The following ARHGAP44 variants were observed in gnomAD, a reference collection of about 807,000 sequenced individuals.
The protein encoded by ARHGAP44 is rho GTPase-activating protein 44.
A neutral mutation model predicts 106.8 loss-of-function variants in ARHGAP44; 43 were observed. The observed-to-expected ratio is 0.40, with a 90% CI of 0.32 to 0.52. ARHGAP44 has a LOEUF of 0.52. Among genes scored for constraint, ARHGAP44 ranks in the 20% least tolerant of loss-of-function variants. The pLI, the probability that ARHGAP44 is intolerant of heterozygous loss-of-function variation, is 0.48. For synonymous variants in ARHGAP44, 439 were observed against 410.3 expected (o/e 1.07, Z -0.85); for missense variants, 866 against 1,050.5 (o/e 0.82, Z 2.43).
At chr17:12,798,094 T>A (rs1261753284) in intron 1 of ARHGAP44, among the ~76,000 whole-genome samples, 2 of 152,156 alleles carry the variant, frequency 1.3e-5, no homozygotes, top group Non-Finnish European at 2.9e-5. Flanking sequence ...ATACTTTTTT[T>A]AAAAAAATTG....
chr17:12,948,716 A>G (rs2038916686), intron 10 of ARHGAP44, among the ~76,000 whole-genome samples: 1 of 123,646 alleles, frequency 8.1e-6, no homozygotes, highest in South Asian at 3.0e-4. Context: ...GTTCCTCCCA[A>G]CACACATACA....
intron 3 of ARHGAP44, among the ~76,000 whole-genome samples, chr17:12,898,688 A>G (rs1330331297): frequency 6.6e-6 from 1 of 152,176 alleles, no homozygotes; most frequent in Non-Finnish European, 1.5e-5. Flanking sequence ...TAAGACCATG[A>G]ATTCATTTCA....
intron 1 of ARHGAP44, among the ~76,000 whole-genome samples, chr17:12,877,520 T>A (rs1456860885): frequency 1.3e-5 from 2 of 152,220 alleles, no homozygotes; most frequent in Non-Finnish European, 2.9e-5. Flanking sequence ...TTTGCTAACA[T>A]GTTCAAAGAA....
intron 1 of ARHGAP44, among the ~76,000 whole-genome samples, chr17:12,835,955 A>G (rs1362398678): frequency 3.3e-5 from 5 of 152,166 alleles, no homozygotes; most frequent in African/African-American, 1.2e-4. Context: ...AGTTTTATCT[A>G]TGTTGTAGCA....
chr17:12,965,209 G>C (rs1253968982), intron 16 of ARHGAP44, among the ~76,000 whole-genome samples: 2 of 152,142 alleles, frequency 1.3e-5, no homozygotes, highest in South Asian at 4.1e-4. Context: ...AGCTACCTCA[G>C]GCCGTGATTC....
intron 5 of ARHGAP44, among the ~76,000 whole-genome samples, chr17:12,918,609 C>G (rs1199241684): frequency 6.6e-6 from 1 of 152,212 alleles, no homozygotes; most frequent in African/African-American, 2.4e-5. Flanking sequence ...CTGGAAAAGT[C>G]TTACTTTATT....
At position 12,789,719 on chromosome 17, in the gene ARHGAP44, C is replaced by T. The variant is rs1043805478; in HGVS notation, c.-120C>T. The stretch of plus-strand genomic sequence containing the variant: ...GCGCGGGCCAGACGGCGCCCGGAGG[C>T]TCCGCAGTGCCGCCGCCGTCGCCCG... On this transcript the variant is annotated 5_prime_UTR_variant, in exon 1 of 21. Coordinates refer to ENST00000379672, the MANE Select transcript of ARHGAP44 (RefSeq NM_014859.6). 208 of 912,318 alleles carry T rather than the reference C, an allele frequency of 2.3e-4. 5 individuals are homozygous for T. In the East Asian group the frequency reaches 6.6e-3, roughly 29 times the overall value. The allele number at this position is 912,318 out of a possible 1,614,324, so 56.5% of individuals were successfully genotyped here.
rs1258997555 is a variant in ARHGAP44 at position 12,916,067 on chromosome 17, C to G, written c.387+56C>G. 11 of 1,366,622 alleles carry G rather than the reference C, an allele frequency of 8.0e-6. No individual in the cohort carries two copies. In the African/African-American group the frequency reaches 8.6e-5, roughly 11 times the overall value. The allele number at this position is 1,366,622 out of a possible 1,614,324, so 84.7% of individuals were successfully genotyped here. On this transcript the variant is annotated intron_variant, in intron 5 of 20. Transcript: ENST00000379672. ...AGAGCAAGGAGGTACCGAACAGGAG[C>G]CCCTCAATCATTCTGTTTCCAGCAT...
intron 1 of ARHGAP44, among the ~76,000 whole-genome samples, chr17:12,845,413 C>G (rs1275911672): frequency 6.7e-6 from 1 of 148,640 alleles, no homozygotes; most frequent in Non-Finnish European, 1.5e-5. Context: ...GAGGCTGAGG[C>G]AGGAGAATTG....
intron 12 of ARHGAP44, among the ~76,000 whole-genome samples, chr17:12,951,795 C>G (rs1327932152): frequency 6.6e-6 from 1 of 152,144 alleles, no homozygotes; most frequent in African/African-American, 2.4e-5. Context: ...ATCATTATGT[C>G]CTGGGAAGCT....
intron 16 of ARHGAP44, among the ~76,000 whole-genome samples, chr17:12,965,630 A>G (rs148760088): frequency 2.6e-5 from 4 of 152,346 alleles, no homozygotes; most frequent in African/African-American, 7.2e-5. Flanking sequence ...CCTGAAGCAC[A>G]TGATCAACAC....
intron 16 of ARHGAP44, among the ~76,000 whole-genome samples, chr17:12,965,412 T>C (rs923390761): frequency 2.0e-5 from 3 of 152,200 alleles, no homozygotes; most frequent in Non-Finnish European, 4.4e-5. Context: ...GGGTGACCCA[T>C]TCTCAACCTG....
intron 1 of ARHGAP44, among the ~76,000 whole-genome samples, chr17:12,809,892 G>T (rs1395861149): frequency 6.6e-6 from 1 of 152,148 alleles, no homozygotes; most frequent in Non-Finnish European, 1.5e-5. Context: ...GGGTGCTTGT[G>T]CCAGTCACTG....
chr17:12,987,143 G>T, intron 20 of ARHGAP44: 4 of 1,534,194 alleles, frequency 2.6e-6, no homozygotes, highest in Non-Finnish European at 3.5e-6. Flanking sequence ...GTGTGAGGGG[G>T]ATTTTCAGGG....
intron 5 of ARHGAP44, among the ~76,000 whole-genome samples, chr17:12,917,855 G>A (rs941525759): frequency 2.0e-5 from 3 of 152,090 alleles, no homozygotes; most frequent in South Asian, 2.1e-4. Flanking sequence ...AGCTACGTGC[G>A]GTTAGAGGCT....
chr17:12,984,261 A>G (rs1444822547), intron 19 of ARHGAP44, among the ~76,000 whole-genome samples: 2 of 152,020 alleles, frequency 1.3e-5, no homozygotes, highest in Non-Finnish European at 2.9e-5. Context: ...GCGTGTGTAG[A>G]TCAGGGCAGA....
At position 12,974,127 on chromosome 17, in the gene ARHGAP44, G is replaced by A. The variant is rs1190588910; in HGVS notation, c.1580G>A (p.Arg527Gln). The A allele has an allele frequency of 6.4e-7, 1 of 1,570,456 alleles. No homozygotes were observed. Among genetic ancestry groups the A allele is most frequent in the South Asian group, 1.2e-5 (1 of 85,344 alleles). ...GTCATGGACACAAACTGGGTGGCTC[G>A]AAGAGGCTCCTCGGCCGGTCGGAAA... is the stretch of plus-strand genomic sequence containing the variant. ...VRVMDTNWVA[R>Q]RGSSAGRKVS... Residue 527 changes from arginine to glutamine, a missense_variant, in exon 18 of 21, where the codon CGA (arginine) becomes CAA (glutamine). Transcript: ENST00000379672.
chr17:12,987,126 T>G, intron 20 of ARHGAP44: 3 of 1,535,416 alleles, frequency 2.0e-6, no homozygotes, highest in Non-Finnish European at 2.6e-6. Flanking sequence ...GGCGCAGTTT[T>G]GGATACGTGT....
intron 1 of ARHGAP44, among the ~76,000 whole-genome samples, chr17:12,841,633 C>CAAAAAAAA (rs564355904): frequency 4.9e-5 from 5 of 102,698 alleles, no homozygotes; most frequent in African/African-American, 2.0e-4. Context: ...CACACACACA[C>CAAAAAAAA]ACACACAAAC....
Sources: gnomAD v4.1 joint callset for allele counts (sites outside exome capture counted in the v4.1 genomes callset) on GRCh38, gnomAD v4.1.1 for gene constraint, MANE v1.5 for transcripts, NCBI Gene and HGNC (gene_info 2026-07-23, HGNC 2026-07-21) for gene names.